The following NOTCH2NLB variants were observed in gnomAD, a reference collection of about 807,000 sequenced individuals.
NOTCH2NLB encodes notch 2 N-terminal like B, also known as notch homolog 2 N-terminal-like protein B.
Under a neutral mutation model 14.8 loss-of-function variants are expected in NOTCH2NLB, and 1 was observed. That is an observed-to-expected ratio of 0.07 (90% CI 0.02 to 0.32). The LOEUF (loss-of-function observed/expected upper bound fraction) is 0.32, where lower values mean the gene tolerates loss of function less well. Among genes scored for constraint, NOTCH2NLB ranks in the 10% least tolerant of loss-of-function variants. NOTCH2NLB has a pLI of 1.00. For missense variants in NOTCH2NLB, 11 were observed against 155.0 expected (o/e 0.07, Z 4.93); for synonymous variants, 6 against 57.5 (o/e 0.10, Z 4.05).
downstream of NOTCH2NLB, among the ~76,000 whole-genome samples, chr1:148,604,931 A>C (rs1663459905): frequency 2.2e-5 from 3 of 136,790 alleles, no homozygotes. Context: ...CTACTTTTAA[A>C]CATCTGCACA....
chr1:148,638,349 C>T (rs1270882557), intron 2 of NOTCH2NLB, among the ~76,000 whole-genome samples: 3 of 149,254 alleles, frequency 2.0e-5, no homozygotes, highest in Admixed American at 6.6e-5. Context: ...TAAGACCTCA[C>T]ATTCTAGCAA....
chr1:148,608,329 G>A (rs1376603702), intron 3 of NOTCH2NLB, among the ~76,000 whole-genome samples: 2 of 136,834 alleles, frequency 1.5e-5, no homozygotes, highest in African/African-American at 3.1e-5. Context: ...GGAGGTTGCA[G>A]TGAGCCGAGA....
downstream of NOTCH2NLB, among the ~76,000 whole-genome samples, chr1:148,604,972 C>A (rs1395834236): frequency 1.4e-5 from 2 of 146,616 alleles, no homozygotes; most frequent in East Asian, 1.9e-4. Context: ...CACACACACA[C>A]ACACACACAC....
At chr1:148,625,621 T>C (rs1180741605) in intron 2 of NOTCH2NLB, among the ~76,000 whole-genome samples, 5 of 119,686 alleles carry the variant, frequency 4.2e-5, no homozygotes, top group African/African-American at 1.5e-4. Context: ...AAACAGAACT[T>C]TGCTTTCAAC....
chr1:148,622,817 A>G (rs1272395736), intron 2 of NOTCH2NLB, among the ~76,000 whole-genome samples: 1 of 85,260 alleles, frequency 1.2e-5, no homozygotes, highest in Non-Finnish European at 2.0e-5. Flanking sequence ...CTCATCTTAT[A>G]CTTGTAGCAC....
chr1:148,670,415 T>A (rs1664734098), intron 1 of NOTCH2NLB, among the ~76,000 whole-genome samples: 1 of 145,746 alleles, frequency 6.9e-6, no homozygotes, highest in African/African-American at 2.5e-5. Context: ...ATATTAAGAT[T>A]AAGTAATATT....
At chr1:148,651,158 A>ATATATATATAT (rs1383778431) in intron 1 of NOTCH2NLB, among the ~76,000 whole-genome samples, 4 of 81,340 alleles carry the variant, frequency 4.9e-5, no homozygotes, top group African/African-American at 2.1e-4. Flanking sequence ...AAAAAAAAAA[A>ATATATATATAT]AAAAATATAT....
intron 1 of NOTCH2NLB, among the ~76,000 whole-genome samples, chr1:148,670,553 C>CATATATATATATATATATACAT (rs1664753069): frequency 1.9e-5 from 2 of 104,230 alleles, no homozygotes; most frequent in Non-Finnish European, 4.0e-5. Flanking sequence ...TATATATATA[C>CATATATATATATATATATACAT]ATATATATAT....
chr1:148,637,102 T>C (rs1664219651), intron 2 of NOTCH2NLB, among the ~76,000 whole-genome samples: 1 of 132,942 alleles, frequency 7.5e-6, no homozygotes, highest in African/African-American at 3.0e-5. Context: ...ACAGTCTCGC[T>C]CTGTCGCTCA....
intron 2 of NOTCH2NLB, among the ~76,000 whole-genome samples, chr1:148,627,954 T>C (rs1159212753): frequency 1.5e-5 from 2 of 131,404 alleles, no homozygotes; most frequent in African/African-American, 6.0e-5. Flanking sequence ...AACAACTGGG[T>C]TGAGCTATTT....
intron 2 of NOTCH2NLB, among the ~76,000 whole-genome samples, chr1:148,627,765 TATTATG>T (rs1363889081): frequency 1.3e-5 from 2 of 148,900 alleles, no homozygotes; most frequent in African/African-American, 4.9e-5. Context: ...CATTAGCCCT[TATTATG>T]ATTATCTGTC....
Position 148,654,735 on chromosome 1 carries a change from T to C in NOTCH2NLB, c.4-14646A>G, listed in dbSNP as rs1422476804. ...ACACAACATATAGCAAACGTGGATC[T>C]TGAAATGGGAGATAAATTAAAATAA... On this transcript the variant is annotated intron_variant, in intron 1 of 4. Transcript: ENST00000593495. Among the ~76,000 whole-genome samples, 2 of 96,520 alleles carry C rather than the reference T, an allele frequency of 2.1e-5. 1 individual carries two copies. Among genetic ancestry groups the C allele is most frequent in the African/African-American group, 6.7e-5 (2 of 30,020 alleles). The allele number at this position is 96,520 out of a possible 152,430, so 63.3% of individuals were successfully genotyped here.
chr1:148,616,650 GAC>G (rs1265174852), intron 2 of NOTCH2NLB, among the ~76,000 whole-genome samples: 2 of 116,280 alleles, frequency 1.7e-5, no homozygotes, highest in Non-Finnish European at 3.7e-5. Context: ...CAAATAAAAA[GAC>G]ACAAAATATA....
exon 1 of NOTCH2NLB, chr1:148,679,692 C>A: frequency 9.8e-7 from 1 of 1,024,666 alleles, no homozygotes; most frequent in Non-Finnish European, 1.2e-6. Context: ...CTCGACTCCC[C>A]GCGCCCGGAG....
At chr1:148,610,361 GAAAGAAA>G (rs1663656560) in intron 3 of NOTCH2NLB, among the ~76,000 whole-genome samples, 7 of 117,438 alleles carry the variant, frequency 6.0e-5, no homozygotes, top group Non-Finnish European at 7.1e-5. Flanking sequence ...AAGAAAGAAA[GAAAGAAA>G]GAAAGAGAAA....
chr1:148,605,432 C>A (rs1419291625), downstream of NOTCH2NLB, among the ~76,000 whole-genome samples: 1 of 143,566 alleles, frequency 7.0e-6, no homozygotes, highest in African/African-American at 2.7e-5. Context: ...GCTAATCTCC[C>A]CTCCCACACA....
At chr1:148,637,130 G>C (rs1365490613) in intron 2 of NOTCH2NLB, among the ~76,000 whole-genome samples, 24 of 139,360 alleles carry the variant, frequency 1.7e-4, no homozygotes, top group Non-Finnish European at 3.0e-4. Flanking sequence ...GTGCAGTGGT[G>C]CAATCTTGGC....
Position 148,633,485 on chromosome 1 carries a change from G to A in NOTCH2NLB, c.77+6531C>T, listed in dbSNP as rs1383808581. Reference sequence around the variant, plus strand: ...GGAGAATGGCATGAACCCGGGAGGCGGAGCTTGCAGTGAGCCAAGAAAGCG... The same window carrying A: ...GGAGAATGGCATGAACCCGGGAGGCAGAGCTTGCAGTGAGCCAAGAAAGCG... On this transcript the variant is annotated intron_variant, in intron 2 of 4. Coordinates refer to ENST00000593495, the Ensembl canonical transcript of NOTCH2NLB. 9.9e-4 allele frequency among the ~76,000 whole-genome samples: 69 copies of A among 69,978 alleles called. 5 individuals are homozygous for A. Among genetic ancestry groups the A allele is most frequent in the African/African-American group, 5.8e-3 (62 of 10,638 alleles). 45.9% of individuals were successfully genotyped at this position (69,978 alleles called of 152,430 possible). A position where few individuals can be genotyped will look rare whatever the true frequency, so the allele number is the denominator to read the frequency against.
the NOTCH2NLB span, among the ~76,000 whole-genome samples, chr1:148,703,065 T>C: frequency 3.7e-5 from 1 of 26,848 alleles, no homozygotes; most frequent in Admixed American, 3.6e-4. Flanking sequence ...TGAGCCGAGA[T>C]TGCGCCACTG....
Sources: allele counts gnomAD v4.1 joint callset (sites outside exome capture counted in the v4.1 genomes callset), GRCh38; gene constraint gnomAD v4.1.1; transcripts MANE v1.5; gene names NCBI Gene and HGNC (gene_info 2026-07-23, HGNC 2026-07-21).